Variants in PCDHGB3 observed in about 807,000 individuals in gnomAD.
PCDHGB3 encodes protocadherin gamma-B3.
In PCDHGB3, 40 loss-of-function variants were observed where a neutral mutation model predicts 59.2. That is an observed-to-expected ratio of 0.68 (90% CI 0.52 to 0.88). The LOEUF is 0.88. Among genes scored for constraint, PCDHGB3 ranks in the 40% least tolerant of loss-of-function variants. PCDHGB3 has a pLI of 0.00. For missense variants in PCDHGB3, 1,309 were observed against 1,187.9 expected, an observed-to-expected ratio of 1.10 and a Z score of -1.50; for synonymous variants, 581 against 503.6, an observed-to-expected ratio of 1.15 and a Z score of -2.06.
Position 141,422,343 on chromosome 5 carries a change from G to T in PCDHGB3, c.2415+49534G>T, listed in dbSNP as rs764862139. ...GTACAGTGATTGCTCTTCTAAATGT[G>T]CAAGATCAAGATTCTGGAGAAAATG... On this transcript the variant is annotated intron_variant, in intron 1 of 3. Transcript: ENST00000576222. 1.9e-6 allele frequency: 3 copies of T among 1,551,388 alleles called. No individual in the cohort carries two copies. The East Asian group carries it at 6.7e-5, about 35-fold the overall frequency.
chr5:141,457,798 C>T (rs1233396158), intron 1 of PCDHGB3, among the ~76,000 whole-genome samples: 5 of 152,194 alleles, frequency 3.3e-5, no homozygotes, highest in African/African-American at 9.6e-5. Context: ...GTTATCCTCT[C>T]CTCTTGAGGT....
chr5:141,497,739 A>G (rs1180122239), intron 2 of PCDHGB3, among the ~76,000 whole-genome samples: 1 of 152,118 alleles, frequency 6.6e-6, no homozygotes, highest in Admixed American at 6.6e-5. Flanking sequence ...GGGTTTCGCC[A>G]CGTTGGCCAG....
intron 1 of PCDHGB3, among the ~76,000 whole-genome samples, chr5:141,467,441 T>C (rs919148544): frequency 6.6e-6 from 1 of 152,340 alleles, no homozygotes; most frequent in African/African-American, 2.4e-5. Context: ...CATTCATTAC[T>C]TTTTTCTTCC....
chr5:141,374,438 G>T (rs760020224), intron 1 of PCDHGB3: 3 of 1,613,736 alleles, frequency 1.9e-6, no homozygotes, highest in Non-Finnish European at 2.5e-6. Flanking sequence ...TCTTTATCCC[G>T]TGGAAGTGGA....
chr5:141,383,492 G>C (rs1012277194), intron 1 of PCDHGB3: 3 of 1,613,178 alleles, frequency 1.9e-6, no homozygotes, highest in Non-Finnish European at 2.5e-6. Flanking sequence ...GTGCTGGAGC[G>C]GGTGCTGGAC....
chr5:141,410,788 C>A, intron 1 of PCDHGB3: 2 of 712,228 alleles, frequency 2.8e-6, no homozygotes, highest in Non-Finnish European at 4.0e-6. Context: ...GTATTTGGTT[C>A]ATAAGTTGCT....
Position 141,493,775 on chromosome 5 carries a change from G to A in PCDHGB3, c.2416-1032G>A, listed in dbSNP as rs1434978072. ...CCTTGAGTGAGCCACTGGCAGTTCCGGAGCTTCCTTCTCCCTGGAGTAATC... is the reference window on the plus strand; with the variant it reads ...CCTTGAGTGAGCCACTGGCAGTTCCAGAGCTTCCTTCTCCCTGGAGTAATC... On this transcript the variant is annotated intron_variant, in intron 1 of 3. Coordinates refer to ENST00000576222, the MANE Select transcript of PCDHGB3 (RefSeq NM_018924.5). The surrounding 1 kb of genome is among the most constrained non-coding windows in gnomAD (Gnocchi z 4.3). Among the ~76,000 whole-genome samples, 1 of 152,094 alleles carries A rather than the reference G, an allele frequency of 6.6e-6. No individual in the cohort carries two copies. The highest frequency in any genetic ancestry group is 6.5e-5 in the Admixed American group (1 of 15,272).
Position 141,393,006 on chromosome 5 carries a change from C to T in PCDHGB3, c.2415+20197C>T, listed in dbSNP as rs182052960. On this transcript the variant is annotated intron_variant, in intron 1 of 3. Coordinates refer to ENST00000576222, the MANE Select transcript of PCDHGB3 (RefSeq NM_018924.5). ...CCGGAAGCTGGCGAAGCACGGAGTC[C>T]GTATCGTCTCCAGAGGTAGGACGCA... is the stretch of plus-strand genomic sequence containing the variant. 3.5e-3 allele frequency: 5,649 copies of T among 1,613,866 alleles called. 26 individuals are homozygous for T. The highest frequency in any genetic ancestry group is 4.1e-3 in the Non-Finnish European group (4,855 of 1,179,884).
rs1244865693 is a variant in PCDHGB3 at position 141,372,615 on chromosome 5, C to A, written c.2221C>A (p.Pro741Thr). 1 of 1,613,850 alleles carries A rather than the reference C, an allele frequency of 6.2e-7. No homozygotes were observed. The highest frequency in any genetic ancestry group is 1.3e-5 in the African/African-American group (1 of 74,914). The change falls in exon 1 of 4, where the codon CCC (proline) becomes ACC (threonine). Residue 741 changes from proline (P) to threonine (T), a missense_variant. Pro to Thr is a conservative substitution (Grantham distance 38, BLOSUM62 -1). Coordinates refer to ENST00000576222, the MANE Select transcript of PCDHGB3 (RefSeq NM_018924.5). ...CTTCAAGACTGTACCTGGAGTTCTC[C>A]CCACCTACAGCGAAAGGACTTTGCC... ...VCFKTVPGVL[P>T]TYSERTLPYS...
chr5:141,399,252 TG>T, intron 1 of PCDHGB3: 1 of 1,613,778 alleles, frequency 6.2e-7, no homozygotes, highest in Non-Finnish European at 8.5e-7. Context: ...CTGGGGAAAA[TG>T]GGGAGGTTAA....
intron 1 of PCDHGB3, chr5:141,394,586 G>T: frequency 3.1e-6 from 5 of 1,613,888 alleles, no homozygotes; most frequent in Non-Finnish European, 4.2e-6. Context: ...TGACCAAGGT[G>T]GTGGCGGTGG....
At chr5:141,458,064 C>T (rs886724551) in intron 1 of PCDHGB3, among the ~76,000 whole-genome samples, 14 of 152,104 alleles carry the variant, frequency 9.2e-5, no homozygotes, top group East Asian at 3.9e-4. Context: ...TGCACTGATG[C>T]GAACAACTAT....
chr5:141,495,943 CTGT>C (rs1324780860), intron 2 of PCDHGB3, among the ~76,000 whole-genome samples: 1 of 152,010 alleles, frequency 6.6e-6, no homozygotes, highest in Non-Finnish European at 1.5e-5. Flanking sequence ...GTCTCTGTGC[CTGT>C]TGTCTTTTTC....
chr5:141,378,863 G>C (rs934816631), intron 1 of PCDHGB3: 1 of 152,136 alleles, frequency 6.6e-6, no homozygotes, highest in Non-Finnish European at 1.5e-5. Context: ...AATGATGTTC[G>C]AATAGAAAAT....
In PCDHGB3 at chr5:141,486,675, A is replaced by T; in HGVS notation, c.2416-8132A>T. On this transcript the variant is annotated intron_variant, in intron 1 of 3. Coordinates refer to ENST00000576222, the MANE Select transcript of PCDHGB3 (RefSeq NM_018924.5). The surrounding 1 kb of genome is among the most constrained non-coding windows in gnomAD (Gnocchi z 5.0). ...TCACTCCTGGAGCCCAGGAATCGAGATGTATCAGCTTCCTCTTTCATCTCT... is the reference window on the plus strand; with the variant it reads ...TCACTCCTGGAGCCCAGGAATCGAGTTGTATCAGCTTCCTCTTTCATCTCT... The T allele has an allele frequency of 6.2e-7, 1 of 1,614,056 alleles. No individual in the cohort carries two copies. The highest frequency in any genetic ancestry group is 8.5e-7 in the Non-Finnish European group (1 of 1,180,016).
chr5:141,462,999 C>T (rs1360054048), intron 1 of PCDHGB3, among the ~76,000 whole-genome samples: 1 of 152,068 alleles, frequency 6.6e-6, no homozygotes, highest in Non-Finnish European at 1.5e-5. Flanking sequence ...TAATTTAGAC[C>T]TACCACTTAA....
chr5:141,415,514 C>G, intron 1 of PCDHGB3: 2 of 1,614,178 alleles, frequency 1.2e-6, no homozygotes, highest in Non-Finnish European at 8.5e-7. Flanking sequence ...CCCAATTATG[C>G]GGACACGCTC....
At chr5:141,498,372 C>A (rs1008996197) in intron 2 of PCDHGB3, among the ~76,000 whole-genome samples, 3 of 151,730 alleles carry the variant, frequency 2.0e-5, no homozygotes, top group Admixed American at 1.3e-4. Flanking sequence ...GTGGTGAGGC[C>A]TCCTGGGATC....
At position 141,426,439 on chromosome 5, in the gene PCDHGB3, G is replaced by C. The variant is rs149215795; in HGVS notation, c.2415+53630G>C. On this transcript the variant is annotated intron_variant, in intron 1 of 3. Transcript: ENST00000576222. ...GGGCTCCGTGGTGGGGAACCTTGCG[G>C]AGGACATGCGGCTGCATGTTCAGGA... 7.8e-4 allele frequency: 237 copies of C among 302,398 alleles called. 1 individual carries two copies. The highest frequency in any genetic ancestry group is 4.6e-3 in the African/African-American group (214 of 46,260). The allele number at this position is 302,398 out of a possible 1,614,324, so 18.7% of individuals were successfully genotyped here.
Sources: gnomAD v4.1 joint callset for allele counts (sites outside exome capture counted in the v4.1 genomes callset) on GRCh38, gnomAD v4.1.1 for gene constraint, Gnocchi (gnomAD v3.1) non-coding constraint, MANE v1.5 for transcripts, NCBI Gene and HGNC (gene_info 2026-07-23, HGNC 2026-07-21) for gene names.